Variants in FBXO40 observed in about 807,000 individuals in gnomAD.
The protein encoded by FBXO40 is F-box protein 40.
Under a neutral mutation model 49.9 loss-of-function variants are expected in FBXO40, and 50 were observed. That is an observed-to-expected ratio of 1.00 (90% CI 0.80 to 1.27). FBXO40 has a LOEUF of 1.27. Among genes scored for constraint, FBXO40 ranks in the 50% most tolerant of loss-of-function variants. The pLI is 0.00. For missense variants in FBXO40, 895 were observed against 870.1 expected (o/e 1.03, Z -0.36); for synonymous variants, 340 against 320.2 (o/e 1.06, Z -0.66).
chr3:121,614,191 C>T (rs527814956), intron 1 of FBXO40, among the ~76,000 whole-genome samples: 9 of 148,466 alleles, frequency 6.1e-5, no homozygotes, highest in South Asian at 4.2e-4. Context: ...CGCTTGAATC[C>T]GGAAGGCGGA....
At chr3:121,601,720 T>C (rs1025384986) in intron 1 of FBXO40, among the ~76,000 whole-genome samples, 13 of 152,228 alleles carry the variant, frequency 8.5e-5, no homozygotes, top group African/African-American at 3.1e-4. Flanking sequence ...CAGGCTGGCA[T>C]ATATGAAGTT....
At chr3:121,620,674 T>C (rs2049025368) in intron 2 of FBXO40, 96 bp downstream of exon 2, 5 of 1,454,806 alleles carry the variant, frequency 3.4e-6, no homozygotes, top group African/African-American at 2.8e-5. Context: ...CTTGCTCTTA[T>C]GGTTTGATGA....
chr3:121,612,415 A>T (rs920335469), intron 1 of FBXO40, among the ~76,000 whole-genome samples: 9 of 152,138 alleles, frequency 5.9e-5, no homozygotes, highest in African/African-American at 2.2e-4. Flanking sequence ...GGGGTTAATA[A>T]TACTTTGGAC....
intron 1 of FBXO40, among the ~76,000 whole-genome samples, chr3:121,602,943 T>C (rs1345365855): frequency 6.6e-6 from 1 of 152,192 alleles, no homozygotes; most frequent in Non-Finnish European, 1.5e-5. Flanking sequence ...CAGGCTTCTA[T>C]AACAAAAGAT....
rs151169484 is a variant in FBXO40, at chr3:121,627,112, T to A, written c.*202T>A. 2.1e-3 allele frequency: 1,135 copies of A among 550,630 alleles called. 4 individuals are homozygous for A. Among genetic ancestry groups the A allele is most frequent in the Non-Finnish European group, 3.2e-3 (992 of 311,006 alleles). The allele number at this position is 550,630 out of a possible 1,614,324, so 34.1% of individuals were successfully genotyped here. On this transcript the variant is annotated 3_prime_UTR_variant, in exon 4 of 4. Transcript: ENST00000338040. ...CCATGTCTTGTACCATAGTGCCACA[T>A]TGATGACTTGTTTCCTTTTTTCTTT... is the stretch of plus-strand genomic sequence containing the variant.
chr3:121,626,247 G>A (rs3772128), intron 3 of FBXO40, among the ~76,000 whole-genome samples: 1 of 151,804 alleles, frequency 6.6e-6, no homozygotes, highest in African/African-American at 2.4e-5. Flanking sequence ...GTGCTCACTC[G>A]GTGGTCTCTG....
In FBXO40 at chr3:121,622,917, CA is replaced by C. The variant is rs1309011635; in HGVS notation, c.1489del (p.Thr497GlnfsTer38). The C allele has an allele frequency of 6.2e-7, 1 of 1,614,124 alleles. No homozygotes were observed. The highest frequency in any genetic ancestry group is 1.3e-5 in the African/African-American group (1 of 74,952). On this transcript the variant is annotated frameshift_variant, in exon 3 of 4. Transcript: ENST00000338040. LOFTEE classifies it high-confidence loss of function. ...EFPLHFKNVH[T>X]DIQSCLNGWF... ...TCCCCCTGCACTTCAAGAATGTCCA[CA>C]CAGACATTCAGTCATGTCTCAATGG...
intron 3 of FBXO40, among the ~76,000 whole-genome samples, chr3:121,625,694 C>T (rs1305900477): frequency 6.6e-6 from 1 of 152,150 alleles, no homozygotes; most frequent in African/African-American, 2.4e-5. Flanking sequence ...TGACTGACCA[C>T]TCTCAGATAT....
chr3:121,595,834 TAA>T (rs2048868435), intron 1 of FBXO40, among the ~76,000 whole-genome samples: 1 of 152,218 alleles, frequency 6.6e-6, no homozygotes, highest in Admixed American at 6.5e-5. Context: ...GTTAACAGGT[TAA>T]GAGTTAAAAA....
intron 1 of FBXO40, among the ~76,000 whole-genome samples, chr3:121,602,262 T>C (rs1432945772): frequency 6.6e-6 from 1 of 152,208 alleles, no homozygotes; most frequent in African/African-American, 2.4e-5. Flanking sequence ...TTCCCACATA[T>C]GGCTTCCCCT....
intron 1 of FBXO40, among the ~76,000 whole-genome samples, chr3:121,599,613 T>C (rs1445025957): frequency 6.7e-6 from 1 of 148,162 alleles, no homozygotes; most frequent in Non-Finnish European, 1.5e-5. Flanking sequence ...TTTGATCTAG[T>C]AGGTATTTCA....
Position 121,622,708 on chromosome 3 carries a change from G to C in FBXO40, c.1279G>C (p.Ala427Pro). The C allele has an allele frequency of 6.2e-7, 1 of 1,614,180 alleles. No individual in the cohort carries two copies. Among genetic ancestry groups the C allele is most frequent in the Non-Finnish European group, 8.5e-7 (1 of 1,180,030 alleles). ...RSIDGLFMDF[A>P]TQTYNFEPEQ... Reference sequence around the variant, plus strand: ...CATTGATGGACTGTTCATGGATTTTGCCACACAAACATACAACTTTGAGCC... The same window carrying C: ...CATTGATGGACTGTTCATGGATTTTCCCACACAAACATACAACTTTGAGCC... The change falls in exon 3 of 4, where the codon GCC becomes CCC. Residue 427 changes from alanine to proline, a missense_variant. By Grantham distance (27) the Ala-to-Pro change is conservative. Coordinates refer to ENST00000338040, the MANE Select transcript of FBXO40 (RefSeq NM_016298.4).
At chr3:121,612,499 C>G (rs1034839899) in intron 1 of FBXO40, among the ~76,000 whole-genome samples, 1 of 152,198 alleles carries the variant, frequency 6.6e-6, no homozygotes, top group African/African-American at 2.4e-5. Flanking sequence ...CTGGAACCAG[C>G]TGGGGGAAGC....
chr3:121,618,719 A>C (rs894155523), intron 1 of FBXO40, among the ~76,000 whole-genome samples: 1 of 151,854 alleles, frequency 6.6e-6, no homozygotes, highest in Admixed American at 6.6e-5. Flanking sequence ...CAAGTGGCTC[A>C]GCCAAAACTG....
intron 1 of FBXO40, among the ~76,000 whole-genome samples, chr3:121,594,213 T>G (rs973841810): frequency 2.0e-5 from 3 of 147,462 alleles, no homozygotes; most frequent in Admixed American, 1.5e-4. Flanking sequence ...TTGTTATTAT[T>G]TTTTTGAGAC....
At chr3:121,606,410 T>A (rs2048932321) in intron 1 of FBXO40, among the ~76,000 whole-genome samples, 1 of 152,118 alleles carries the variant, frequency 6.6e-6, no homozygotes, top group Non-Finnish European at 1.5e-5. Flanking sequence ...GCTATTGGAG[T>A]GCTCAGAGCA....
At chr3:121,618,943 A>G (rs2049014662) in intron 1 of FBXO40, among the ~76,000 whole-genome samples, 1 of 151,118 alleles carries the variant, frequency 6.6e-6, no homozygotes, top group Admixed American at 6.6e-5. Flanking sequence ...AGTTGGGGGA[A>G]ATTTTACCCA....
In FBXO40 at chr3:121,611,261, T is replaced by C. The variant is rs936940694; in HGVS notation, c.-30-9285T>C. Among the ~76,000 whole-genome samples the C allele has an allele frequency of 2.0e-5, 3 of 152,202 alleles. No individual in the cohort carries two copies. The East Asian group carries it at 5.8e-4, about 29-fold the overall frequency. On this transcript the variant is annotated intron_variant, in intron 1 of 3. Coordinates refer to ENST00000338040, the MANE Select transcript of FBXO40 (RefSeq NM_016298.4). ...TACCAAGGACCTGCACCGGCACCGGTCTCTGAGTTCCCTCAGTTTTTTCTG... is the reference window on the plus strand; with the variant it reads ...TACCAAGGACCTGCACCGGCACCGGCCTCTGAGTTCCCTCAGTTTTTTCTG...
intron 1 of FBXO40, among the ~76,000 whole-genome samples, chr3:121,598,039 G>T (rs1167919406): frequency 6.6e-6 from 1 of 152,164 alleles, no homozygotes; most frequent in Non-Finnish European, 1.5e-5. Context: ...TTATTCATGG[G>T]AGTGCTCATT....
Sources: gnomAD v4.1 joint callset for allele counts (sites outside exome capture counted in the v4.1 genomes callset) on GRCh38, gnomAD v4.1.1 for gene constraint, MANE v1.5 for transcripts, NCBI Gene and HGNC (gene_info 2026-07-23, HGNC 2026-07-21) for gene names.